The following ANGPT1 variants were observed in gnomAD, a reference collection of about 807,000 sequenced individuals.
ANGPT1 encodes angiopoietin-1.
Under a neutral mutation model 62.2 loss-of-function variants are expected in ANGPT1, and 17 were observed. The ratio of observed to expected loss-of-function variants is 0.27; its 90% CI spans 0.19 to 0.41. ANGPT1 has a LOEUF of 0.41. Among genes scored for constraint, ANGPT1 ranks in the 10% least tolerant of loss-of-function variants. The probability of loss-of-function intolerance (pLI) is 1.00; values close to 1 mark genes in which losing one functional copy is unlikely to be tolerated. For synonymous variants in ANGPT1, 199 were observed against 198.9 expected (o/e 1.00, Z 0.00); for missense variants, 478 against 594.9 (o/e 0.80, Z 2.04).
chr8:107,278,284 A>C (rs1228491287), intron 7 of ANGPT1, among the ~76,000 whole-genome samples: 2 of 151,972 alleles, frequency 1.3e-5, no homozygotes, highest in African/African-American at 4.8e-5. Flanking sequence ...AGTTCTCGCT[A>C]TGTTGCCCAG....
intron 1 of ANGPT1, among the ~76,000 whole-genome samples, chr8:107,443,010 T>A (rs1811520943): frequency 6.6e-6 from 1 of 152,182 alleles, no homozygotes; most frequent in Admixed American, 6.5e-5. Context: ...TCTTTCAAAA[T>A]CCCCAAGATT....
intron 1 of ANGPT1, among the ~76,000 whole-genome samples, chr8:107,422,808 A>AAAT (rs1183907601): frequency 2.0e-5 from 3 of 152,128 alleles, no homozygotes; most frequent in Admixed American, 6.5e-5. Context: ...TGTTACCTAA[A>AAAT]AATAATAATA....
chr8:107,438,989 A>G (rs545589806), intron 1 of ANGPT1, among the ~76,000 whole-genome samples: 1 of 152,340 alleles, frequency 6.6e-6, no homozygotes, highest in East Asian at 1.9e-4. Context: ...TCATGTTCAC[A>G]TATATAGAGT....
chr8:107,338,460 G>A (rs1815621811), intron 2 of ANGPT1, among the ~76,000 whole-genome samples: 1 of 152,224 alleles, frequency 6.6e-6, no homozygotes, highest in Non-Finnish European at 1.5e-5. Context: ...GAACAGGAGG[G>A]TGAGGAGGGG....
intron 1 of ANGPT1, among the ~76,000 whole-genome samples, chr8:107,362,893 A>G (rs1035063064): frequency 6.6e-6 from 1 of 152,204 alleles, no homozygotes; most frequent in Non-Finnish European, 1.5e-5. Context: ...AATCCACACC[A>G]TGCCTATCTT....
rs191803507 is a variant in ANGPT1, at chr8:107,274,448, C to T, written c.1206-10097G>A. Among the ~76,000 whole-genome samples, 300 of 152,184 alleles carry T rather than the reference C, an allele frequency of 2.0e-3. 1 individual carries two copies. The highest frequency in any genetic ancestry group is 7.2e-3 in the African/African-American group (297 of 41,536). On this transcript the variant is annotated intron_variant, in intron 7 of 8. Transcript: ENST00000517746. The stretch of plus-strand genomic sequence containing the variant: ...AGTTAAGAGAAATGAACAATGTATG[C>T]TGTGGGACAATTTTATTAATTTTTT...
intron 2 of ANGPT1, among the ~76,000 whole-genome samples, chr8:107,346,568 G>A (rs1815808283): frequency 6.6e-6 from 1 of 152,150 alleles, no homozygotes; most frequent in Non-Finnish European, 1.5e-5. Context: ...CCTTATGGCT[G>A]CAGCATTACC....
intron 1 of ANGPT1, among the ~76,000 whole-genome samples, chr8:107,426,188 G>A (rs1245700835): frequency 6.6e-6 from 1 of 152,130 alleles, no homozygotes; most frequent in Non-Finnish European, 1.5e-5. Flanking sequence ...TGGACACAAA[G>A]GGGCCTGTGC....
At chr8:107,343,832 C>G (rs539842621) in intron 2 of ANGPT1, among the ~76,000 whole-genome samples, 1 of 152,246 alleles carries the variant, frequency 6.6e-6, no homozygotes, top group East Asian at 1.9e-4. Flanking sequence ...GAGGCCAAGG[C>G]AGGTGAATTG....
At chr8:107,467,281 A>G (rs1187999670) in intron 1 of ANGPT1, among the ~76,000 whole-genome samples, 3 of 151,834 alleles carry the variant, frequency 2.0e-5, no homozygotes, top group Non-Finnish European at 4.4e-5. Context: ...TGGTACAACT[A>G]TTAAGTACCT....
intron 1 of ANGPT1, among the ~76,000 whole-genome samples, chr8:107,480,993 T>C (rs1431009122): frequency 1.3e-5 from 2 of 152,190 alleles, no homozygotes; most frequent in African/African-American, 4.8e-5. Context: ...TTTGTTGACT[T>C]TCTGGAGGAC....
At chr8:107,326,001 G>T (rs1377487327) in intron 3 of ANGPT1, among the ~76,000 whole-genome samples, 1 of 152,046 alleles carries the variant, frequency 6.6e-6, no homozygotes, top group African/African-American at 2.4e-5. Context: ...CTGAGTAAAA[G>T]GAATACATAA....
At chr8:107,430,502 C>T (rs1380855529) in intron 1 of ANGPT1, among the ~76,000 whole-genome samples, 4 of 152,126 alleles carry the variant, frequency 2.6e-5, no homozygotes, top group South Asian at 2.1e-4. Flanking sequence ...AGATTGCATC[C>T]GTGTGGTAGG....
chr8:107,251,833 A>G lies in ANGPT1; in HGVS notation c.*22T>C, dbSNP rs1428490847. ...CTCCGGATTTCTTTGTTGCTTTCATAATCGCTTCTGACATTGCGCTTTCAA... is the reference window on the plus strand; with the variant it reads ...CTCCGGATTTCTTTGTTGCTTTCATGATCGCTTCTGACATTGCGCTTTCAA... On this transcript the variant is annotated 3_prime_UTR_variant, in exon 9 of 9. Transcript: ENST00000517746. The G allele has an allele frequency of 6.2e-7, 1 of 1,612,308 alleles. No individual in the cohort carries two copies.
chr8:107,418,574 A>C (rs1423263963), intron 1 of ANGPT1, among the ~76,000 whole-genome samples: 1 of 152,218 alleles, frequency 6.6e-6, no homozygotes. Flanking sequence ...GATGAAGTGC[A>C]ATATTTGCTG....
chr8:107,378,319 T>C (rs575987240), intron 1 of ANGPT1, among the ~76,000 whole-genome samples: 1 of 152,308 alleles, frequency 6.6e-6, no homozygotes, highest in East Asian at 1.9e-4. Flanking sequence ...AAGAAGCAAG[T>C]AGTGAGAAAG....
chr8:107,474,660 G>A (rs931855567), intron 1 of ANGPT1, among the ~76,000 whole-genome samples: 6 of 152,200 alleles, frequency 3.9e-5, no homozygotes, highest in Non-Finnish European at 8.8e-5. Context: ...GTTTGCAGAT[G>A]ACATGATTGG....
intron 1 of ANGPT1, among the ~76,000 whole-genome samples, chr8:107,406,598 G>A (rs938564058): frequency 1.3e-5 from 2 of 151,950 alleles, no homozygotes; most frequent in Admixed American, 6.6e-5. Flanking sequence ...TAAAATATAA[G>A]TATGTAGTCT....
chr8:107,432,325 T>G (rs1811210556), intron 1 of ANGPT1, among the ~76,000 whole-genome samples: 1 of 152,164 alleles, frequency 6.6e-6, no homozygotes, highest in African/African-American at 2.4e-5. Context: ...CCAGAGAATT[T>G]TCTGAGATAT....
Sources: gnomAD v4.1 joint callset for allele counts (sites outside exome capture counted in the v4.1 genomes callset) on GRCh38, gnomAD v4.1.1 for gene constraint, MANE v1.5 for transcripts, NCBI Gene and HGNC (gene_info 2026-07-23, HGNC 2026-07-21) for gene names.